Variants in EDA observed in about 807,000 individuals in gnomAD.
EDA encodes ectodysplasin-A.
EDA carries 2 observed loss-of-function variants against 23.6 expected under a neutral mutation model. The observed-to-expected ratio is 0.08, with a 90% confidence interval of 0.03 to 0.27. The LOEUF (loss-of-function observed/expected upper bound fraction) is 0.27, where lower values mean the gene tolerates loss of function less well. Ranked by LOEUF, EDA falls within the 10% of genes least tolerant of loss-of-function variation. EDA has a pLI of 1.00. For synonymous variants in EDA, 131 were observed against 132.0 expected (o/e 0.99, Z 0.05); for missense variants, 229 against 324.2 (o/e 0.71, Z 2.26).
chrX:69,956,452 C>G (rs1426602382), intron 1 of EDA, among the ~76,000 whole-genome samples: 1 of 107,683 alleles, frequency 9.3e-6, no homozygotes, highest in Non-Finnish European at 1.9e-5. Context: ...GGCGATTCTC[C>G]TACCTCAGCC....
chrX:69,664,442 G>T (rs140393301), intron 1 of EDA, among the ~76,000 whole-genome samples: 1,743 of 111,719 alleles, frequency 0.016, 31 homozygotes, highest in African/African-American at 0.055. Context: ...CACCATGATT[G>T]TGAGGCCTCC....
At chrX:69,681,765 G>C (rs1367925565) in intron 1 of EDA, among the ~76,000 whole-genome samples, 1 of 110,900 alleles carries the variant, frequency 9.0e-6, no homozygotes, top group Non-Finnish European at 1.9e-5. Flanking sequence ...CCTTTGTTTT[G>C]AATGTCCTCC....
chrX:70,034,842 G>T (rs1356865128), intron 7 of EDA, among the ~76,000 whole-genome samples: 1 of 111,957 alleles, frequency 8.9e-6, no homozygotes, highest in African/African-American at 3.3e-5. Context: ...GCCCAGGGGA[G>T]GGGTGGTGCA....
chrX:69,950,235 A>C (rs2018896156), intron 1 of EDA, among the ~76,000 whole-genome samples: 1 of 62,016 alleles, frequency 1.6e-5, no homozygotes, highest in African/African-American at 6.3e-5. Flanking sequence ...AACTCAAACA[A>C]ATTTACAAGA....
intron 2 of EDA, among the ~76,000 whole-genome samples, chrX:69,993,974 G>C: frequency 8.9e-6 from 1 of 111,988 alleles, no homozygotes; most frequent in African/African-American, 3.2e-5. Flanking sequence ...TTTTGGATTG[G>C]ATTTCATATA....
At chrX:69,849,082 TACACACAC>T (rs370800783) in intron 1 of EDA, among the ~76,000 whole-genome samples, 3,164 of 56,927 alleles carry the variant, frequency 0.056, 101 homozygotes, top group South Asian at 0.15. Flanking sequence ...AAAGTCTATA[TACACACAC>T]ACACACACAC....
intron 1 of EDA, among the ~76,000 whole-genome samples, chrX:69,777,144 TTTGTTG>T (rs140366037): frequency 2.7e-4 from 29 of 106,819 alleles, no homozygotes; most frequent in Middle Eastern, 9.7e-3. Flanking sequence ...GATTCTGGGT[TTTGTTG>T]TTGTTGTTGT....
intron 1 of EDA, among the ~76,000 whole-genome samples, chrX:69,684,938 A>C (rs756489612): frequency 3.8e-4 from 43 of 112,446 alleles, no homozygotes; most frequent in Non-Finnish European, 4.1e-4. Context: ...AAACTGGATA[A>C]GAAGTTGGAG....
At chrX:69,742,519 T>C (rs2013490869) in intron 1 of EDA, among the ~76,000 whole-genome samples, 1 of 112,309 alleles carries the variant, frequency 8.9e-6, no homozygotes, top group Admixed American at 9.4e-5. Context: ...CTGTATGCTT[T>C]TAGGACAGTT....
intron 1 of EDA, among the ~76,000 whole-genome samples, chrX:69,705,254 AG>A (rs2011673095): frequency 9.1e-6 from 1 of 110,113 alleles, no homozygotes; most frequent in Admixed American, 9.7e-5. Flanking sequence ...GAAAGAAAAA[AG>A]AAAAACAGCA....
intron 1 of EDA, among the ~76,000 whole-genome samples, chrX:69,732,136 A>G (rs1449781693): frequency 1.8e-5 from 2 of 111,646 alleles, no homozygotes; most frequent in Non-Finnish European, 3.8e-5. Flanking sequence ...GTTCTAGGGT[A>G]CATGTGCACA....
intron 1 of EDA, among the ~76,000 whole-genome samples, chrX:69,775,839 CTTCA>C (rs894409395): frequency 1.8e-5 from 2 of 111,810 alleles, no homozygotes; most frequent in Non-Finnish European, 3.8e-5. Flanking sequence ...TGGAGAAAAT[CTTCA>C]TTCACACAGA....
At chrX:69,827,345 C>T (rs1278133097) in intron 1 of EDA, among the ~76,000 whole-genome samples, 1 of 112,147 alleles carries the variant, frequency 8.9e-6, no homozygotes, top group Non-Finnish European at 1.9e-5. Flanking sequence ...ACCAATCAGA[C>T]ATAGATTTGG....
Position 70,033,494 on chromosome X carries a change from T to C in EDA, c.890T>C (p.Val297Ala), listed in dbSNP as rs768138719. 8.3e-6 allele frequency: 10 copies of C among 1,211,547 alleles called. 1 individual carries two copies. Among genetic ancestry groups the C allele is most frequent in the Non-Finnish European group, 1.1e-6 (1 of 895,419 alleles). Residue 297 changes from valine (V) to alanine (A), a missense_variant, in exon 7 of 8, where the codon GTG becomes GCG. Val to Ala is a moderately conservative substitution (Grantham distance 64). This residue lies in a region of EDA where 175 missense variants were observed against 281.8 expected (regional missense o/e 0.62). Transcript: ENST00000374552. ...CGCAGCGGGGAGCTGGAGGTACTGG[T>C]GGACGGCACCTACTTCATCTATAGT... is the stretch of plus-strand genomic sequence containing the variant. ...HPRSGELEVLVDGTYFIYSQV... is the reference protein window; with the variant it reads ...HPRSGELEVLADGTYFIYSQV...
At chrX:69,661,086 C>T (rs970326887) in intron 1 of EDA, among the ~76,000 whole-genome samples, 2 of 110,579 alleles carry the variant, frequency 1.8e-5, no homozygotes, top group African/African-American at 6.6e-5. Context: ...TTGCATTTCT[C>T]TGATGGCCAG....
intron 2 of EDA, among the ~76,000 whole-genome samples, chrX:69,996,725 C>A (rs1053007023): frequency 6.3e-5 from 7 of 111,831 alleles, no homozygotes; most frequent in African/African-American, 2.3e-4. Context: ...GTGTCCCCAC[C>A]CAAATCTCAT....
chrX:69,801,606 TAC>T (rs765318029), intron 1 of EDA, among the ~76,000 whole-genome samples: 1 of 111,949 alleles, frequency 8.9e-6, no homozygotes, highest in Non-Finnish European at 1.9e-5. Context: ...AGATATTTGT[TAC>T]ACATATGACT....
intron 1 of EDA, among the ~76,000 whole-genome samples, chrX:69,679,716 TC>T (rs1228103595): frequency 8.9e-6 from 1 of 111,778 alleles, no homozygotes; most frequent in Non-Finnish European, 1.9e-5. Flanking sequence ...TCTCTTTTTT[TC>T]TTTATTAGTC....
intron 2 of EDA, among the ~76,000 whole-genome samples, chrX:69,994,679 A>G (rs1197642861): frequency 8.9e-6 from 1 of 111,843 alleles, no homozygotes; most frequent in Non-Finnish European, 1.9e-5. Flanking sequence ...TTCAAGGTTA[A>G]AGCAGCTTAC....
Sources: gnomAD v4.1 joint callset for allele counts (sites outside exome capture counted in the v4.1 genomes callset) on GRCh38, gnomAD v4.1.1 for gene constraint, gnomAD v4.1.1 regional missense constraint, MANE v1.5 for transcripts, NCBI Gene and HGNC (gene_info 2026-07-23, HGNC 2026-07-21) for gene names.